The following SHANK2 variants were observed in gnomAD, a reference collection of about 807,000 sequenced individuals.
SHANK2 encodes the protein SH3 and multiple ankyrin repeat domains protein 2.
In SHANK2, 43 loss-of-function variants were observed where a neutral mutation model predicts 133.7. That is an observed-to-expected ratio of 0.32 (90% confidence interval 0.25 to 0.41). SHANK2 has a LOEUF of 0.41. Ranked by LOEUF, SHANK2 falls within the 10% of genes least tolerant of loss-of-function variation. The pLI is 1.00. For missense variants in SHANK2, 1,994 were observed against 2,235.8 expected (o/e 0.89, Z 2.18); for synonymous variants, 1,017 against 952.8 (o/e 1.07, Z -1.24).
chr11:70,748,205 T>C (rs1946683051), intron 14 of SHANK2, among the ~76,000 whole-genome samples: 1 of 152,168 alleles, frequency 6.6e-6, no homozygotes, highest in Admixed American at 6.5e-5. Context: ...AATTCTGAGC[T>C]GCTCCCAGGA....
chr11:71,199,681 T>G (rs1204489116), intron 2 of SHANK2, among the ~76,000 whole-genome samples: 5 of 152,176 alleles, frequency 3.3e-5, no homozygotes, highest in Non-Finnish European at 7.3e-5. Context: ...TGGATGCCCT[T>G]GAAGCAGCTG....
chr11:70,843,148 G>C (rs542640526), intron 11 of SHANK2, among the ~76,000 whole-genome samples: 1 of 151,990 alleles, frequency 6.6e-6, no homozygotes, highest in South Asian at 2.1e-4. Context: ...TGGGGTCAGG[G>C]AGCAGAGGCT....
At chr11:71,172,852 T>C (rs782683875) in intron 2 of SHANK2, among the ~76,000 whole-genome samples, 9 of 152,230 alleles carry the variant, frequency 5.9e-5, no homozygotes, top group Non-Finnish European at 1.3e-4. Context: ...GGGCAGGCAA[T>C]GGCAGGTACA....
chr11:71,135,271 C>G (rs58661988), intron 3 of SHANK2, among the ~76,000 whole-genome samples: 3,590 of 152,206 alleles, frequency 0.024, 51 homozygotes, highest in African/African-American at 0.044. Flanking sequence ...TCGGTTGTAC[C>G]GGCTGATGGG....
chr11:70,858,330 T>C (rs1026141512), intron 11 of SHANK2, among the ~76,000 whole-genome samples: 2 of 152,236 alleles, frequency 1.3e-5, no homozygotes, highest in African/African-American at 4.8e-5. Flanking sequence ...GCCATGGCCA[T>C]GTCAGGTAGG....
intron 4 of SHANK2, among the ~76,000 whole-genome samples, chr11:71,114,518 T>C (rs1555099965): frequency 6.6e-6 from 1 of 152,202 alleles, no homozygotes; most frequent in Non-Finnish European, 1.5e-5. Context: ...CACAGACTGA[T>C]ACTTGTGGGG....
chr11:70,858,749 C>T (rs1949209162), intron 11 of SHANK2, among the ~76,000 whole-genome samples: 1 of 152,224 alleles, frequency 6.6e-6, no homozygotes. Flanking sequence ...CTCCTATCTC[C>T]AGCCTAACTT....
chr11:70,526,514 T>G lies in SHANK2; in HGVS notation c.2062-23583A>C, dbSNP rs1426931946. 2.0e-5 allele frequency among the ~76,000 whole-genome samples: 3 copies of G among 152,202 alleles called. No homozygotes were observed. In the East Asian group the frequency reaches 5.8e-4, roughly 29 times the overall value. On this transcript the variant is annotated intron_variant, in intron 17 of 25. Coordinates refer to ENST00000601538, the MANE Select transcript of SHANK2 (RefSeq NM_012309.5). The stretch of plus-strand genomic sequence containing the variant: ...GAACATGGGAGGCGTGTACCATGCA[T>G]GTGTGCTCAGCGCACACGCGTCAGG...
chr11:71,083,488 C>CACTT (rs1951328711), intron 8 of SHANK2, among the ~76,000 whole-genome samples: 1 of 152,170 alleles, frequency 6.6e-6, no homozygotes, highest in Admixed American at 6.5e-5. Flanking sequence ...GAGGGTGGGG[C>CACTT]ACTTGCTCAG....
At chr11:71,114,111 C>T (rs962923639) in intron 4 of SHANK2, among the ~76,000 whole-genome samples, 2 of 152,130 alleles carry the variant, frequency 1.3e-5, no homozygotes, top group African/African-American at 2.4e-5. Context: ...TGTTCCAATC[C>T]CAGCCCTAAT....
chr11:70,608,830 G>A (rs550119728), intron 17 of SHANK2, among the ~76,000 whole-genome samples: 14 of 152,338 alleles, frequency 9.2e-5, no homozygotes, highest in African/African-American at 3.1e-4. Flanking sequence ...GGTCTATTAC[G>A]CAAAACCTCA....
At chr11:70,901,444 C>T (rs149794281) in intron 10 of SHANK2, among the ~76,000 whole-genome samples, 7 of 152,252 alleles carry the variant, frequency 4.6e-5, no homozygotes, top group African/African-American at 1.2e-4. Context: ...CCTGTAAGAA[C>T]GGACGCTGCT....
chr11:70,681,523 G>A (rs1421059182), intron 15 of SHANK2, among the ~76,000 whole-genome samples: 1 of 152,172 alleles, frequency 6.6e-6, no homozygotes, highest in Non-Finnish European at 1.5e-5. Context: ...ACCATGCCCA[G>A]AAATGGGACC....
intron 9 of SHANK2, among the ~76,000 whole-genome samples, chr11:71,073,937 C>T (rs1378430611): frequency 1.3e-5 from 2 of 152,156 alleles, no homozygotes; most frequent in African/African-American, 4.8e-5. Flanking sequence ...CAGAACTGAA[C>T]AGAGTTTGCA....
chr11:71,228,281 T>G (rs1954676989), intron 1 of SHANK2, among the ~76,000 whole-genome samples: 1 of 152,236 alleles, frequency 6.6e-6, no homozygotes, highest in South Asian at 2.1e-4. Context: ...CCAGTTTTTT[T>G]GAGAAAAAGA....
chr11:70,628,063 G>A (rs533755531), intron 17 of SHANK2, among the ~76,000 whole-genome samples: 1 of 152,126 alleles, frequency 6.6e-6, no homozygotes, highest in Non-Finnish European at 1.5e-5. Flanking sequence ...AGCTTCAAGC[G>A]ATTCTCCTGC....
At chr11:70,829,162 G>A (rs1446438221) in intron 11 of SHANK2, among the ~76,000 whole-genome samples, 1 of 152,220 alleles carries the variant, frequency 6.6e-6, no homozygotes, top group Non-Finnish European at 1.5e-5. Flanking sequence ...GGACCAGGCA[G>A]GGGACAAAAT....
rs145978801 is a variant in SHANK2 at position 71,092,708 on chromosome 11, G to C, written c.745-119C>G. 3.2e-4 allele frequency: 305 copies of C among 942,304 alleles called. 4 individuals carry two copies. The African/African-American group carries it at 4.1e-3, about 13-fold the overall frequency. The allele number at this position is 942,304 out of a possible 1,614,324, so 58.4% of individuals were successfully genotyped here. ...CCCAGGTCAAGGCAACCCACACCCT[G>C]AGTACCCAGTGCTTCTCCTGGGCTC... On this transcript the variant is annotated intron_variant, in intron 7 of 25. Coordinates refer to ENST00000601538, the MANE Select transcript of SHANK2 (RefSeq NM_012309.5).
chr11:70,692,108 G>T (rs186163828), intron 15 of SHANK2, among the ~76,000 whole-genome samples: 1 of 152,072 alleles, frequency 6.6e-6, no homozygotes, highest in Admixed American at 6.6e-5. Context: ...CAGGGATAAA[G>T]CCTTCTTTTC....
Sources: allele counts gnomAD v4.1 joint callset (sites outside exome capture counted in the v4.1 genomes callset), GRCh38; gene constraint gnomAD v4.1.1; transcripts MANE v1.5; gene names NCBI Gene and HGNC (gene_info 2026-07-23, HGNC 2026-07-21).